Variants in IGFBPL1 observed in about 807,000 individuals in gnomAD.
IGFBPL1 encodes the protein insulin-like growth factor-binding protein-like 1.
In IGFBPL1, 20 loss-of-function variants were observed where a neutral mutation model predicts 23.9. That is an observed-to-expected ratio of 0.84 (90% CI 0.59 to 1.22). The LOEUF (loss-of-function observed/expected upper bound fraction) is 1.22. Among genes scored for constraint, IGFBPL1 ranks in the 50% most tolerant of loss-of-function variants. The probability of loss-of-function intolerance (pLI) is 0.00; values close to 1 mark genes in which losing one functional copy is unlikely to be tolerated. For synonymous variants in IGFBPL1, 184 were observed against 171.8 expected (o/e 1.07, Z -0.56); for missense variants, 436 against 379.3 (o/e 1.15, Z -1.24).
intron 1 of IGFBPL1, among the ~76,000 whole-genome samples, chr9:38,418,028 G>A (rs1427821578): frequency 6.6e-6 from 1 of 152,208 alleles, no homozygotes; most frequent in Non-Finnish European, 1.5e-5. Flanking sequence ...CTGAGGATAT[G>A]GTCGCAGGCC....
Position 38,424,009 on chromosome 9 carries a change from T to A in IGFBPL1, c.416A>T (p.His139Leu), listed in dbSNP as rs777346154. The A allele has an allele frequency of 5.7e-6, 8 of 1,409,592 alleles. No homozygotes were observed. Among genetic ancestry groups the A allele is most frequent in the Admixed American group, 3.5e-5 (1 of 28,812 alleles). The allele number at this position is 1,409,592 out of a possible 1,614,324, so 87.3% of individuals were successfully genotyped here. Residue 139 changes from histidine (H) to leucine (L), a missense_variant, in exon 1 of 5, where the codon CAC becomes CTC. Transcript: ENST00000377694. Reference sequence around the variant, plus strand: ...GCGCGCCTTGTGCAGGTGACCGGGGTGCGCGCGGGGCGTGTGCCGAGCGCG... The same window carrying A: ...GCGCGCCTTGTGCAGGTGACCGGGGAGCGCGCGGGGCGTGTGCCGAGCGCG... ...RLRARHTPRAHPGHLHKARDG... is the reference protein window; with the variant it reads ...RLRARHTPRALPGHLHKARDG...
At chr9:38,415,404 A>G (rs1821585820) in intron 1 of IGFBPL1, among the ~76,000 whole-genome samples, 1 of 152,166 alleles carries the variant, frequency 6.6e-6, no homozygotes. Flanking sequence ...AAGGGAGGAG[A>G]CAGAAGGCAG....
chr9:38,414,317 G>T, intron 1 of IGFBPL1, 114 bp from the exon 2 acceptor site: 1 of 622,696 alleles, frequency 1.6e-6, no homozygotes. Context: ...TGAGGGGAGC[G>T]GCACATCACG....
intron 2 of IGFBPL1, 101 bp from the exon 3 acceptor site, chr9:38,413,454 C>T (rs1297955777): frequency 6.7e-6 from 5 of 744,540 alleles, no homozygotes; most frequent in Non-Finnish European, 1.2e-5. Flanking sequence ...CCTCCTCCCA[C>T]TGACTCAAAA....
rs1821557823 is a variant in IGFBPL1 at position 38,414,123 on chromosome 9, C to T, written c.541G>A (p.Val181Met). The T allele has an allele frequency of 1.2e-6, 2 of 1,612,388 alleles. No individual in the cohort carries two copies. Among genetic ancestry groups the T allele is most frequent in the African/African-American group, 1.3e-5 (1 of 74,532 alleles). The change falls in exon 2 of 5, where the codon GTG (valine) becomes ATG (methionine). Residue 181 changes from valine to methionine, a missense_variant. Coordinates refer to ENST00000377694, the MANE Select transcript of IGFBPL1 (RefSeq NM_001007563.3). ...QVGLSCEVRAVPTPVITWRKV... is the reference protein window; with the variant it reads ...QVGLSCEVRAMPTPVITWRKV... ...CTCCACGTGATGACTGGGGTAGGCA[C>T]AGCCCTCACTTCACAGGACAGGCCC...
intron 4 of IGFBPL1, among the ~76,000 whole-genome samples, chr9:38,410,469 T>C (rs370283378): frequency 5.3e-5 from 7 of 132,214 alleles, no homozygotes; most frequent in African/African-American, 1.1e-4. Flanking sequence ...GGTGACAGAG[T>C]GAGACTCTGT....
chr9:38,413,437 C>T, intron 2 of IGFBPL1, 84 bp from the exon 3 acceptor site: 1 of 810,110 alleles, frequency 1.2e-6, no homozygotes, highest in African/African-American at 1.7e-5. Flanking sequence ...TTGCCCTCCT[C>T]CTTCCTCCTC....
At position 38,419,747 on chromosome 9, in the gene IGFBPL1, C is replaced by A. The variant is rs554742046; in HGVS notation, c.460+4218G>T. Among the ~76,000 whole-genome samples the A allele has an allele frequency of 1.5e-4, 23 of 152,260 alleles. No individual in the cohort carries two copies. In the South Asian group the frequency reaches 4.8e-3, roughly 32 times the overall value. ...TAATCATCATAATACTAAGGCCATACCACCTTACCAGTGAGAAGCTGAACC... is the reference window on the plus strand; with the variant it reads ...TAATCATCATAATACTAAGGCCATAACACCTTACCAGTGAGAAGCTGAACC... On this transcript the variant is annotated intron_variant, in intron 1 of 4. Transcript: ENST00000377694.
At chr9:38,421,661 T>C (rs1203688656) in intron 1 of IGFBPL1, among the ~76,000 whole-genome samples, 1 of 152,152 alleles carries the variant, frequency 6.6e-6, no homozygotes, top group Non-Finnish European at 1.5e-5. Context: ...CCCAGAGGCA[T>C]TGTTAAAAAA....
rs549611129 is a variant in IGFBPL1, at chr9:38,406,676, C to T, written c.*2551G>A. On this transcript the variant is annotated 3_prime_UTR_variant, in exon 5 of 5. Transcript: ENST00000377694. The stretch of plus-strand genomic sequence containing the variant: ...GCTAACAGCTGTGGCAGCGCATGCT[C>T]TCTTAGCCTCTGAAGAGGTCTCTGG... Among the ~76,000 whole-genome samples the T allele has an allele frequency of 4.6e-5, 7 of 152,294 alleles. No individual in the cohort carries two copies. Among genetic ancestry groups the T allele is most frequent in the African/African-American group, 1.7e-4 (7 of 41,566 alleles).
At chr9:38,415,407 G>T (rs1180824033) in intron 1 of IGFBPL1, among the ~76,000 whole-genome samples, 1 of 152,210 alleles carries the variant, frequency 6.6e-6, no homozygotes, top group African/African-American at 2.4e-5. Flanking sequence ...GGAGGAGACA[G>T]AAGGCAGGAG....
At chr9:38,419,286 A>G (rs546643561) in intron 1 of IGFBPL1, among the ~76,000 whole-genome samples, 1 of 152,280 alleles carries the variant, frequency 6.6e-6, no homozygotes, top group African/African-American at 2.4e-5. Flanking sequence ...CAGCCCTGAT[A>G]ATTTATGCTA....
chr9:38,424,076 A>C lies in IGFBPL1; in HGVS notation c.349T>G (p.Ser117Ala). 1 of 1,395,156 alleles carries C rather than the reference A, an allele frequency of 7.2e-7. No individual in the cohort carries two copies. 86.4% of individuals were successfully genotyped at this position (1,395,156 alleles called of 1,614,324 possible). ...ACGCTGGGGTACGAGCGACCGTCGGAGCCGCAGACGGTGCCGCGCTGCGCG... is the reference window on the plus strand; with the variant it reads ...ACGCTGGGGTACGAGCGACCGTCGGCGCCGCAGACGGTGCCGCGCTGCGCG... The part of the protein sequence containing the change: ...VCAQRGTVCG[S>A]DGRSYPSVCA... The change falls in exon 1 of 5, where the codon TCC becomes GCC. Residue 117 changes from serine (S) to alanine (A), a missense_variant. Physicochemically the swap from Ser to Ala is moderately conservative, Grantham distance 99. Transcript: ENST00000377694.
Position 38,413,327 on chromosome 9 carries a change from T to C in IGFBPL1, c.597A>G (p.Gln199=). Residue 199 remains glutamine (Q), a synonymous_variant, in exon 3 of 5, where the codon CAA becomes CAG. Transcript: ENST00000377694. Reference sequence around the variant, plus strand: ...GGTCCCCAGGCAGCTCCTCCAGTGCTTGGGTGCCCTCAGGGGACTTCGTGA... The same window carrying C: ...GGTCCCCAGGCAGCTCCTCCAGTGCCTGGGTGCCCTCAGGGGACTTCGTGA... The part of the protein sequence containing the change: ...RKVTKSPEGT[Q]ALEELPGDHV... 6.2e-7 allele frequency: 1 copy of C among 1,613,638 alleles called. No homozygotes were observed. Among genetic ancestry groups the C allele is most frequent in the Admixed American group, 1.7e-5 (1 of 59,994 alleles).
At position 38,418,730 on chromosome 9, in the gene IGFBPL1, C is replaced by CTGA. The variant is rs568282520; in HGVS notation, c.461-4530_461-4528dup. ...TTCATCCCCCTATAGCTCTTCCTTGCTGATACTTGTTTCCTTCTGCTTGTG... is the reference window on the plus strand; with the variant it reads ...TTCATCCCCCTATAGCTCTTCCTTGCTGATGATACTTGTTTCCTTCTGCTTGTG... On this transcript the variant is annotated intron_variant, in intron 1 of 4. Coordinates refer to ENST00000377694, the MANE Select transcript of IGFBPL1 (RefSeq NM_001007563.3). Among the ~76,000 whole-genome samples, 175 of 152,292 alleles carry CTGA rather than the reference C, an allele frequency of 1.1e-3. 1 individual carries two copies. Among genetic ancestry groups the CTGA allele is most frequent in the African/African-American group, 4.1e-3 (172 of 41,568 alleles).
chr9:38,424,432 T>C lies in IGFBPL1; in HGVS notation c.-8A>G. 1.8e-6 allele frequency: 1 copy of C among 562,898 alleles called. No individual in the cohort carries two copies. Among genetic ancestry groups the C allele is most frequent in the Non-Finnish European group, 3.2e-6 (1 of 316,244 alleles). The allele number at this position is 562,898 out of a possible 1,614,324, so 34.9% of individuals were successfully genotyped here. On this transcript the variant is annotated 5_prime_UTR_variant, in exon 1 of 5. Transcript: ENST00000377694. ...CAGAGACAAGCGCGGCATGGCTTGCTCCGGGACAGCGGCGGCGCCTCTGCT... is the reference window on the plus strand; with the variant it reads ...CAGAGACAAGCGCGGCATGGCTTGCCCCGGGACAGCGGCGGCGCCTCTGCT...
At chr9:38,418,279 A>G (rs181694088) in intron 1 of IGFBPL1, among the ~76,000 whole-genome samples, 27 of 152,228 alleles carry the variant, frequency 1.8e-4, no homozygotes, top group Non-Finnish European at 3.4e-4. Context: ...CCAGGTTCAA[A>G]TCCTTTCTCT....
intron 1 of IGFBPL1, among the ~76,000 whole-genome samples, chr9:38,423,491 C>A (rs2118331600): frequency 6.6e-6 from 1 of 152,216 alleles, no homozygotes; most frequent in African/African-American, 2.4e-5. Context: ...GTGCTGTGGC[C>A]TGGTGACTAC....
In IGFBPL1 at chr9:38,408,902, G is replaced by A. The variant is rs1282512732; in HGVS notation, c.*325C>T. 6.6e-6 allele frequency: 1 copy of A among 152,088 alleles called. No individual in the cohort carries two copies. Among genetic ancestry groups the A allele is most frequent in the Non-Finnish European group, 1.5e-5 (1 of 68,018 alleles). The allele number at this position is 152,088 out of a possible 1,614,324, so 9.4% of individuals were successfully genotyped here. A position where few individuals can be genotyped will look rare whatever the true frequency, so the allele number is the denominator to read the frequency against. On this transcript the variant is annotated 3_prime_UTR_variant, in exon 5 of 5. Coordinates refer to ENST00000377694, the MANE Select transcript of IGFBPL1 (RefSeq NM_001007563.3). The stretch of plus-strand genomic sequence containing the variant: ...CCACTAATAGGTCATAGACAAATGA[G>A]GTAAAGAGTCACAGCTGACACGAGC...
Sources: gnomAD v4.1 joint callset for allele counts (sites outside exome capture counted in the v4.1 genomes callset) on GRCh38, gnomAD v4.1.1 for gene constraint, MANE v1.5 for transcripts, NCBI Gene and HGNC (gene_info 2026-07-23, HGNC 2026-07-21) for gene names.